Variants in DPRX observed in about 807,000 individuals in gnomAD.
DPRX encodes divergent paired-related homeobox.
DPRX carries 11 observed loss-of-function variants against 8.4 expected under a neutral mutation model. The observed-to-expected ratio is 1.31, with a 90% confidence interval of 0.82 to 2.17. The LOEUF (loss-of-function observed/expected upper bound fraction) is 2.17. DPRX is among the 30% of genes most tolerant of loss of function. The probability of loss-of-function intolerance (pLI) is 0.00; values close to 1 mark genes in which losing one functional copy is unlikely to be tolerated. For synonymous variants in DPRX, 72 were observed against 87.0 expected, an observed-to-expected ratio of 0.83 and a Z score of 0.96; for missense variants, 211 against 236.7, an observed-to-expected ratio of 0.89 and a Z score of 0.71.
At chr19:53,618,226 A>C in the DPRX span, among the ~76,000 whole-genome samples, 1 of 151,976 alleles carries the variant, frequency 6.6e-6, no homozygotes, top group Non-Finnish European at 1.5e-5. Flanking sequence ...ATTATTTTTT[A>C]CAACCCCCTT....
At chr19:53,608,993 G>GAGAA in the DPRX span, among the ~76,000 whole-genome samples, 187 of 103,140 alleles carry the variant, frequency 1.8e-3, 1 homozygote, top group African/African-American at 6.0e-3. Flanking sequence ...AAGAAAGAAA[G>GAGAA]AGAAAGAAAG....
At chr19:53,625,177 G>C in the DPRX span, among the ~76,000 whole-genome samples, 1 of 150,968 alleles carries the variant, frequency 6.6e-6, no homozygotes, top group African/African-American at 2.4e-5. Context: ...TTAGCCTCTG[G>C]AGTACTAGGA....
exon 3 of DPRX, chr19:53,636,903 A>G: frequency 1.9e-6 from 3 of 1,613,850 alleles, no homozygotes; most frequent in East Asian, 2.2e-5. Flanking sequence ...TACTGCCTCT[A>G]CCCCATTTTG....
chr19:53,613,997 G>T, the DPRX span, among the ~76,000 whole-genome samples: 3 of 151,668 alleles, frequency 2.0e-5, no homozygotes, highest in Admixed American at 6.6e-5. Context: ...TGTTGCCCAG[G>T]CTGGAGTGCA....
rs770579932 is a variant in DPRX, at chr19:53,634,496, A to G, written c.29-35A>G. 3.8e-6 allele frequency: 6 copies of G among 1,592,072 alleles called. No individual in the cohort carries two copies. The African/African-American group carries it at 4.1e-5, about 11-fold the overall frequency. On this transcript the variant is annotated intron_variant, in intron 1 of 2. Coordinates refer to ENST00000376650, the Ensembl canonical transcript of DPRX. ...GGCTTTTGAGAATGGAGTTGTTAGCATTTCCCATTTGTGTCTTTTTCCTCC... is the reference window on the plus strand; with the variant it reads ...GGCTTTTGAGAATGGAGTTGTTAGCGTTTCCCATTTGTGTCTTTTTCCTCC...
chr19:53,634,732 T>A, intron 2 of DPRX, 47 bp downstream of exon 2: 1 of 1,581,688 alleles, frequency 6.3e-7, no homozygotes, highest in African/African-American at 1.4e-5. Flanking sequence ...CCTGATCTAA[T>A]CTAAATTCAG....
upstream of DPRX, among the ~76,000 whole-genome samples, chr19:53,630,230 C>A (rs1440290294): frequency 7.1e-6 from 1 of 141,790 alleles, no homozygotes; most frequent in African/African-American, 2.6e-5. Context: ...AAAAAAAAAA[C>A]TTTCATGCTG....
intron 1 of DPRX, among the ~76,000 whole-genome samples, chr19:53,633,996 C>A (rs748395074): frequency 6.6e-6 from 1 of 152,162 alleles, no homozygotes; most frequent in Non-Finnish European, 1.5e-5. Context: ...AAGGAACAAC[C>A]TTTTCCTATG....
At chr19:53,616,721 T>C in the DPRX span, 1 of 1,206,160 alleles carries the variant, frequency 8.3e-7, no homozygotes, top group Non-Finnish European at 1.1e-6. Context: ...ACCATTGCAT[T>C]CCAGCCTGGG....
the DPRX span, among the ~76,000 whole-genome samples, chr19:53,623,306 C>CAAAAAA: frequency 1.4e-4 from 11 of 77,726 alleles, no homozygotes; most frequent in African/African-American, 4.5e-4. Flanking sequence ...GACTCTGTCT[C>CAAAAAA]AAAAAAATAA....
the DPRX span, among the ~76,000 whole-genome samples, chr19:53,614,167 G>T: frequency 6.6e-6 from 1 of 151,876 alleles, no homozygotes; most frequent in Non-Finnish European, 1.5e-5. Flanking sequence ...AGCTAGGATG[G>T]TCTCAATTTC....
chr19:53,631,469 C>T (rs937901926), upstream of DPRX, among the ~76,000 whole-genome samples: 20 of 152,072 alleles, frequency 1.3e-4, no homozygotes, highest in African/African-American at 4.1e-4. Context: ...GTCCCCATTA[C>T]GGAGCCTGGT....
upstream of DPRX, among the ~76,000 whole-genome samples, chr19:53,630,514 T>C (rs1372653302): frequency 6.6e-6 from 1 of 152,044 alleles, no homozygotes; most frequent in African/African-American, 2.4e-5. Flanking sequence ...ATTTTGCCAC[T>C]GCACTCCAGG....
At chr19:53,631,971 G>T, upstream of DPRX, 3 of 1,167,508 alleles carry the variant, frequency 2.6e-6, no homozygotes, top group Non-Finnish European at 3.8e-6. Context: ...GGATCATATT[G>T]GAGGCAGATA....
At chr19:53,602,190 A>G in the DPRX span, 1 of 451,406 alleles carries the variant, frequency 2.2e-6, no homozygotes, top group Non-Finnish European at 4.5e-6. Context: ...GTTGGGGAGA[A>G]CAGGTTCAAC....
chr19:53,633,765 C>T (rs1031019504), intron 1 of DPRX, among the ~76,000 whole-genome samples: 1 of 152,078 alleles, frequency 6.6e-6, no homozygotes, highest in Non-Finnish European at 1.5e-5. Flanking sequence ...GCCTTGGCCT[C>T]CCAAAGTGCT....
At chr19:53,633,309 C>A (rs145542932) in intron 1 of DPRX, among the ~76,000 whole-genome samples, 1 of 152,044 alleles carries the variant, frequency 6.6e-6, no homozygotes, top group African/African-American at 2.4e-5. Context: ...AGGTGACATC[C>A]GTGACAGCAG....
the DPRX span, chr19:53,603,541 G>A: frequency 2.5e-6 from 1 of 394,412 alleles, no homozygotes; most frequent in South Asian, 1.8e-5. Context: ...TTCTCGTCTG[G>A]CTGGTACCTG....
the DPRX span, among the ~76,000 whole-genome samples, chr19:53,625,957 G>A: frequency 2.6e-4 from 39 of 151,238 alleles, 1 homozygote; most frequent in Non-Finnish European, 5.3e-4. Context: ...TTTTGTGTGT[G>A]TCAGGGTCTC....
Sources: gnomAD v4.1 joint callset for allele counts (sites outside exome capture counted in the v4.1 genomes callset) on GRCh38, gnomAD v4.1.1 for gene constraint, MANE v1.5 for transcripts, NCBI Gene and HGNC (gene_info 2026-07-23, HGNC 2026-07-21) for gene names.